The following TSHZ2 variants were observed in gnomAD, a reference collection of about 807,000 sequenced individuals.
The protein encoded by TSHZ2 is teashirt zinc finger homeobox 2, also known as teashirt homolog 2.
Under a neutral mutation model 74.4 loss-of-function variants are expected in TSHZ2, and 21 were observed. The observed-to-expected ratio is 0.28, with a 90% CI of 0.20 to 0.41. The LOEUF (loss-of-function observed/expected upper bound fraction) is 0.41. Ranked by LOEUF, TSHZ2 falls within the 10% of genes least tolerant of loss-of-function variation. The pLI is 1.00. For missense variants in TSHZ2, 1,244 were observed against 1,293.5 expected, an observed-to-expected ratio of 0.96 and a Z score of 0.59; for synonymous variants, 540 against 515.3, an observed-to-expected ratio of 1.05 and a Z score of -0.65.
chr20:53,255,937 C>A lies in TSHZ2; in HGVS notation c.2479C>A (p.Arg827Ser), dbSNP rs141638536. ...CATGAAGCTGGAAATGGATGTCAGG[C>A]GCTTTGAGGATGTCTCCAGTGAAGT... ...PPMKLEMDVR[R>S]FEDVSSEVST... is the part of the protein sequence containing the mutation. Residue 827 changes from arginine to serine, a missense_variant, in exon 2 of 3, where the codon CGC becomes AGC. By Grantham distance (110) the Arg-to-Ser change is moderately radical (BLOSUM62 -1). Around this residue, in one of 6 missense-constraint regions of TSHZ2, gnomAD observed 562 missense variants for 544.0 expected, o/e 1.03. Transcript: ENST00000371497. The surrounding 1 kb of genome is among the most constrained non-coding windows in gnomAD (Gnocchi z 4.1). 64 of 1,614,036 alleles carry A rather than the reference C, an allele frequency of 4.0e-5. No homozygotes were observed. In the African/African-American group the frequency reaches 4.1e-4, roughly 10 times the overall value.
At chr20:53,236,560 T>C (rs2426470) in intron 1 of TSHZ2, among the ~76,000 whole-genome samples, 48,422 of 152,142 alleles carry the variant, frequency 0.32, 8,157 homozygotes, top group African/African-American at 0.43. Flanking sequence ...AGTACACAGC[T>C]GTGAGAGGGC....
intron 1 of TSHZ2, among the ~76,000 whole-genome samples, chr20:53,051,494 C>CACACAA (rs1234256850): frequency 6.8e-6 from 1 of 147,798 alleles, no homozygotes. Context: ...CACACACACA[C>CACACAA]AATTCAGGTG....
rs57906027 is a variant in TSHZ2, at chr20:53,358,329, CTTTTTTTTTTTTT to C, written c.*8+101773_*8+101785del. 1.0e-4 allele frequency among the ~76,000 whole-genome samples: 7 copies of C among 67,046 alleles called. No individual in the cohort carries two copies. In the Admixed American group the frequency reaches 1.1e-3, roughly 11 times the overall value. 44.0% of individuals were successfully genotyped at this position (67,046 alleles called of 152,430 possible). On this transcript the variant is annotated intron_variant, in intron 2 of 2. Coordinates refer to ENST00000371497, the MANE Select transcript of TSHZ2 (RefSeq NM_173485.6). ...AAAAAAAAAAAAAGTTTCTGTGGTT[CTTTTTTTTTTTTT>C]TTTTTTTTTTTTTTCCCAAACAGAG...
chr20:53,038,437 A>G (rs552628325), intron 1 of TSHZ2, among the ~76,000 whole-genome samples: 1 of 152,158 alleles, frequency 6.6e-6, no homozygotes, highest in African/African-American at 2.4e-5. Flanking sequence ...CCTACCAAGC[A>G]CTGTGCTAGG....
intron 1 of TSHZ2, among the ~76,000 whole-genome samples, chr20:52,982,327 T>C (rs1426178664): frequency 2.0e-5 from 3 of 152,146 alleles, no homozygotes; most frequent in African/African-American, 4.8e-5. Flanking sequence ...TCATAGCGAG[T>C]TGCCAGGAAG....
chr20:53,314,124 C>G (rs1439769944), intron 2 of TSHZ2, among the ~76,000 whole-genome samples: 1 of 151,922 alleles, frequency 6.6e-6, no homozygotes, highest in Admixed American at 6.6e-5. Flanking sequence ...CCCATCTCTA[C>G]TAAAAATACA....
chr20:53,062,880 C>A (rs1380220242), intron 1 of TSHZ2, among the ~76,000 whole-genome samples: 1 of 152,124 alleles, frequency 6.6e-6, no homozygotes, highest in Non-Finnish European at 1.5e-5. Flanking sequence ...TCATTTCTAG[C>A]CTTTAATTTA....
At chr20:53,478,105 G>C (rs1004899967) in intron 2 of TSHZ2, among the ~76,000 whole-genome samples, 8 of 147,308 alleles carry the variant, frequency 5.4e-5, no homozygotes, top group African/African-American at 1.5e-4. Flanking sequence ...TCAGTGTGGC[G>C]ATTCCTCAGG....
chr20:53,362,178 T>C (rs1981085480), intron 2 of TSHZ2, among the ~76,000 whole-genome samples: 1 of 86,038 alleles, frequency 1.2e-5, no homozygotes, highest in African/African-American at 4.9e-5. Context: ...CTTCACACAG[T>C]TTGTTGTTTT....
At chr20:53,230,859 TC>T (rs1214037773) in intron 1 of TSHZ2, among the ~76,000 whole-genome samples, 31 of 151,492 alleles carry the variant, frequency 2.0e-4, no homozygotes, top group Admixed American at 2.0e-3. Flanking sequence ...ACCACTGCAC[TC>T]CAGCCCAGGT....
chr20:53,037,984 C>T (rs1470829432), intron 1 of TSHZ2, among the ~76,000 whole-genome samples: 1 of 151,898 alleles, frequency 6.6e-6, no homozygotes, highest in Non-Finnish European at 1.5e-5. Flanking sequence ...GTCGCTCATG[C>T]TCGTATTCAC....
At chr20:53,347,557 T>G (rs1980485266) in intron 2 of TSHZ2, among the ~76,000 whole-genome samples, 1 of 152,204 alleles carries the variant, frequency 6.6e-6, no homozygotes, top group African/African-American at 2.4e-5. Flanking sequence ...CTGTATTAAA[T>G]ATTGATTTAT....
chr20:53,296,035 C>CAA (rs35311773), intron 2 of TSHZ2, among the ~76,000 whole-genome samples: 95 of 97,848 alleles, frequency 9.7e-4, no homozygotes, highest in African/African-American at 2.2e-3. Flanking sequence ...GTAATGACTG[C>CAA]AAAAAAAAAA....
intron 1 of TSHZ2, among the ~76,000 whole-genome samples, chr20:53,177,878 C>T (rs1414740600): frequency 6.6e-6 from 1 of 152,162 alleles, no homozygotes. Context: ...CTCAGAGCCT[C>T]TATTTCCTCA....
intron 2 of TSHZ2, among the ~76,000 whole-genome samples, chr20:53,275,698 T>C (rs1160062157): frequency 2.0e-5 from 3 of 152,208 alleles, no homozygotes; most frequent in Non-Finnish European, 4.4e-5. Context: ...GAGGCCAAGG[T>C]GGATGGATCA....
intron 1 of TSHZ2, among the ~76,000 whole-genome samples, chr20:53,096,919 AAAC>A (rs762023748): frequency 5.3e-5 from 8 of 150,346 alleles, no homozygotes; most frequent in Non-Finnish European, 7.4e-5. Context: ...AAAAAACAAA[AAAC>A]AAAACAAAAA....
chr20:53,312,460 G>A (rs1978833924), intron 2 of TSHZ2, among the ~76,000 whole-genome samples: 1 of 152,166 alleles, frequency 6.6e-6, no homozygotes, highest in South Asian at 2.1e-4. Context: ...AAAAGAATTA[G>A]GGTTCTAAGT....
chr20:53,176,972 A>G (rs1166009883), intron 1 of TSHZ2, among the ~76,000 whole-genome samples: 1 of 152,198 alleles, frequency 6.6e-6, no homozygotes, highest in Non-Finnish European at 1.5e-5. Flanking sequence ...GGCACGAGCC[A>G]TCGCACCCAG....
chr20:53,199,003 A>G (rs940410365), intron 1 of TSHZ2, among the ~76,000 whole-genome samples: 1 of 152,200 alleles, frequency 6.6e-6, no homozygotes, highest in Non-Finnish European at 1.5e-5. Context: ...TCAGATCACT[A>G]TTGGAATCCC....
Sources: gnomAD v4.1 joint callset for allele counts (sites outside exome capture counted in the v4.1 genomes callset) on GRCh38, gnomAD v4.1.1 for gene constraint, gnomAD v4.1.1 regional missense constraint, Gnocchi (gnomAD v3.1) non-coding constraint, MANE v1.5 for transcripts, NCBI Gene and HGNC (gene_info 2026-07-23, HGNC 2026-07-21) for gene names.